Variants in ZNF423 observed in about 807,000 individuals in gnomAD.
The protein encoded by ZNF423 is zinc finger protein 423, also known as Ebf-associated zinc finger protein.
In ZNF423, 12 loss-of-function variants were observed where a neutral mutation model predicts 95.8. The ratio of observed to expected loss-of-function variants is 0.13; its 90% CI spans 0.08 to 0.20. The LOEUF (loss-of-function observed/expected upper bound fraction) is 0.20, where lower values mean the gene tolerates loss of function less well. Ranked by LOEUF, ZNF423 falls within the 10% of genes least tolerant of loss-of-function variation. The pLI, the probability that ZNF423 is intolerant of heterozygous loss-of-function variation, is 1.00. For missense variants in ZNF423, 1,316 were observed against 1,737.1 expected (o/e 0.76, Z 4.31); for synonymous variants, 749 against 711.9 (o/e 1.05, Z -0.83).
intron 7 of ZNF423, among the ~76,000 whole-genome samples, chr16:49,512,603 C>A (rs547302831): frequency 6.6e-6 from 1 of 152,214 alleles, no homozygotes; most frequent in African/African-American, 2.4e-5. Context: ...TGGTTTCCTA[C>A]CCTAGTGGGG....
chr16:49,685,970 T>C (rs2031547710), intron 3 of ZNF423, among the ~76,000 whole-genome samples: 1 of 152,222 alleles, frequency 6.6e-6, no homozygotes, highest in Admixed American at 6.5e-5. Flanking sequence ...TGGATGGCTA[T>C]CCCCATAATT....
chr16:49,545,418 C>T (rs77844765), intron 5 of ZNF423, among the ~76,000 whole-genome samples: 1,914 of 152,240 alleles, frequency 0.013, 41 homozygotes, highest in African/African-American at 0.041. Flanking sequence ...CACATCTCAA[C>T]ATGTGCAAGA....
intron 5 of ZNF423, among the ~76,000 whole-genome samples, chr16:49,605,365 G>A (rs1971504892): frequency 6.6e-6 from 1 of 152,222 alleles, no homozygotes; most frequent in South Asian, 2.1e-4. Flanking sequence ...GGCCAGCTGT[G>A]CAACCTCGGG....
At chr16:49,808,769 G>T (rs1033946479) in intron 1 of ZNF423, among the ~76,000 whole-genome samples, 3 of 152,166 alleles carry the variant, frequency 2.0e-5, no homozygotes, top group Admixed American at 2.0e-4. Flanking sequence ...GGTGGAGAGG[G>T]GTGGAAATCA....
At chr16:49,845,635 G>A (rs2035237418) in intron 1 of ZNF423, among the ~76,000 whole-genome samples, 1 of 151,830 alleles carries the variant, frequency 6.6e-6, no homozygotes, top group African/African-American at 2.4e-5. Context: ...CAACCTTCCG[G>A]GCTCAGGTGA....
chr16:49,681,445 C>T (rs547399008), intron 3 of ZNF423, among the ~76,000 whole-genome samples: 45 of 152,342 alleles, frequency 3.0e-4, no homozygotes, highest in African/African-American at 1.0e-3. Flanking sequence ...CATGTACTCA[C>T]GCTGCCAAGT....
intron 5 of ZNF423, among the ~76,000 whole-genome samples, chr16:49,624,152 A>T (rs895854340): frequency 2.0e-5 from 3 of 152,098 alleles, no homozygotes; most frequent in Non-Finnish European, 4.4e-5. Context: ...ACATATAAAG[A>T]ATATAGTATA....
At chr16:49,586,611 C>G (rs909307085) in intron 5 of ZNF423, among the ~76,000 whole-genome samples, 1 of 152,216 alleles carries the variant, frequency 6.6e-6, no homozygotes, top group African/African-American at 2.4e-5. Flanking sequence ...GCGGCAGGCG[C>G]AGCCCACGCT....
chr16:49,750,637 A>G (rs374591112), intron 2 of ZNF423, among the ~76,000 whole-genome samples: 17 of 152,360 alleles, frequency 1.1e-4, no homozygotes, highest in African/African-American at 3.1e-4. Flanking sequence ...ACTGTCCCAG[A>G]GCAAAACCGG....
chr16:49,610,234 T>C (rs1419818467), intron 5 of ZNF423, among the ~76,000 whole-genome samples: 1 of 152,156 alleles, frequency 6.6e-6, no homozygotes, highest in African/African-American at 2.4e-5. Context: ...GAACATTAGG[T>C]AGTAAGAAAG....
At chr16:49,794,377 C>G (rs1430032403) in intron 1 of ZNF423, among the ~76,000 whole-genome samples, 7 of 151,786 alleles carry the variant, frequency 4.6e-5, no homozygotes, top group African/African-American at 1.7e-4. Flanking sequence ...CCCACTTTTT[C>G]TATCTACTCC....
At position 49,705,009 on chromosome 16, in the gene ZNF423, T is replaced by C. The variant is rs576451830; in HGVS notation, c.301+25762A>G. ...TTTGCACCCACTCCTGCCTAGCCCT[T>C]CCAGCCTCTTTGTTGCCCGAGCTAT... On this transcript the variant is annotated intron_variant, in intron 3 of 7. Transcript: ENST00000563137. Among the ~76,000 whole-genome samples the C allele has an allele frequency of 1.1e-4, 16 of 152,316 alleles. No homozygotes were observed. In the East Asian group the frequency reaches 2.3e-3, roughly 22 times the overall value.
rs116046756 is a variant in ZNF423, at chr16:49,583,479, C to T, written c.3601+42691G>A. The stretch of plus-strand genomic sequence containing the variant: ...AATGATTTGAGAACAAATACATGTG[C>T]GCAAAAATATTAAGCCTATCAATTT... On this transcript the variant is annotated intron_variant, in intron 5 of 7. Transcript: ENST00000563137. Among the ~76,000 whole-genome samples the T allele has an allele frequency of 3.5e-3, 527 of 152,224 alleles. 2 individuals carry two copies. Among genetic ancestry groups the T allele is most frequent in the African/African-American group, 0.012 (490 of 41,540 alleles).
At chr16:49,801,877 C>T (rs538077973) in intron 1 of ZNF423, among the ~76,000 whole-genome samples, 1 of 152,190 alleles carries the variant, frequency 6.6e-6, no homozygotes, top group African/African-American at 2.4e-5. Flanking sequence ...GAGATACAGC[C>T]TTGTTCTGTT....
chr16:49,580,427 CAG>C (rs1333830856), intron 5 of ZNF423, among the ~76,000 whole-genome samples: 6 of 152,232 alleles, frequency 3.9e-5, no homozygotes, highest in African/African-American at 1.4e-4. Flanking sequence ...GTAAACTACA[CAG>C]AGGTGTGGAA....
At chr16:49,741,580 A>G (rs2033415618) in intron 2 of ZNF423, among the ~76,000 whole-genome samples, 1 of 152,060 alleles carries the variant, frequency 6.6e-6, no homozygotes, top group Admixed American at 6.6e-5. Context: ...CTAAATGTTG[A>G]CTTCAAGTTT....
intron 3 of ZNF423, among the ~76,000 whole-genome samples, chr16:49,689,770 A>T (rs1596861014): frequency 6.6e-6 from 1 of 152,168 alleles, no homozygotes; most frequent in Non-Finnish European, 1.5e-5. Flanking sequence ...GTACCTGAGG[A>T]GGCATCCAGG....
chr16:49,515,561 A>G (rs1227183146), intron 7 of ZNF423, among the ~76,000 whole-genome samples: 1 of 152,166 alleles, frequency 6.6e-6, no homozygotes, highest in Non-Finnish European at 1.5e-5. Flanking sequence ...GTAAATGGGG[A>G]TGAGAGTACC....
At chr16:49,552,812 G>A (rs1299664055) in intron 5 of ZNF423, among the ~76,000 whole-genome samples, 1 of 151,906 alleles carries the variant, frequency 6.6e-6, no homozygotes, top group Non-Finnish European at 1.5e-5. Flanking sequence ...CAGAGGCCGG[G>A]CCATGATCCC....
Sources: allele counts gnomAD v4.1 joint callset (sites outside exome capture counted in the v4.1 genomes callset), GRCh38; gene constraint gnomAD v4.1.1; transcripts MANE v1.5; gene names NCBI Gene and HGNC (gene_info 2026-07-23, HGNC 2026-07-21).